WWOX: variants seen among roughly 807,000 people sequenced by gnomAD.
WWOX encodes WW domain containing oxidoreductase, also known as WW domain-containing oxidoreductase.
WWOX carries 69 observed loss-of-function variants against 46.2 expected under a neutral mutation model. The observed-to-expected ratio is 1.49, with a 90% CI of 1.23 to 1.82. The LOEUF is 1.82. Ranked by LOEUF, WWOX falls within the 40% of genes most tolerant of loss-of-function variation. The pLI is 0.00. For missense variants in WWOX, 919 were observed against 542.6 expected (o/e 1.69, Z -6.89); for synonymous variants, 359 against 202.6 (o/e 1.77, Z -6.56).
intron 4 of WWOX, among the ~76,000 whole-genome samples, chr16:78,159,672 G>GTTT (rs35468343): frequency 2.0e-4 from 11 of 55,370 alleles, no homozygotes; most frequent in African/African-American, 4.8e-4. Context: ...AAAATCTGTG[G>GTTT]TTTTTTTTTT....
intron 8 of WWOX, among the ~76,000 whole-genome samples, chr16:78,434,682 C>A (rs1197133231): frequency 6.6e-6 from 1 of 152,092 alleles, no homozygotes; most frequent in Non-Finnish European, 1.5e-5. Context: ...TCAGAGAGTT[C>A]GTTTTCTCCT....
intron 8 of WWOX, among the ~76,000 whole-genome samples, chr16:78,800,221 T>A (rs1387767102): frequency 6.6e-6 from 1 of 151,256 alleles, no homozygotes; most frequent in Non-Finnish European, 1.5e-5. Flanking sequence ...ATTTTAATGA[T>A]TGTGTAAATG....
chr16:78,288,868 C>G (rs2079813544), intron 5 of WWOX, among the ~76,000 whole-genome samples: 1 of 151,960 alleles, frequency 6.6e-6, no homozygotes, highest in African/African-American at 2.4e-5. Flanking sequence ...GAAAAAAATC[C>G]AAACAGGTTC....
chr16:79,107,122 G>A (rs537721017), intron 8 of WWOX, among the ~76,000 whole-genome samples: 1 of 152,052 alleles, frequency 6.6e-6, no homozygotes, highest in Admixed American at 6.6e-5. Flanking sequence ...TTAACTTTTT[G>A]TAGAGGCAGA....
Position 78,935,319 on chromosome 16 carries a change from G to A in WWOX, c.1057-276289G>A, listed in dbSNP as rs145932185. Among the ~76,000 whole-genome samples the A allele has an allele frequency of 7.3e-4, 111 of 152,172 alleles. 2 individuals are homozygous for A. The highest frequency in any genetic ancestry group is 6.4e-3 in the East Asian group (33 of 5,164). Reference sequence around the variant, plus strand: ...CACATGCACATGTATGTTTATTGCGGCACTATTCACAATAGCAAAGACTTG... The same window carrying A: ...CACATGCACATGTATGTTTATTGCGACACTATTCACAATAGCAAAGACTTG... On this transcript the variant is annotated intron_variant, in intron 8 of 8. Transcript: ENST00000566780.
chr16:78,838,405 T>C (rs530364570), intron 8 of WWOX, among the ~76,000 whole-genome samples: 8 of 152,320 alleles, frequency 5.3e-5, no homozygotes, highest in Middle Eastern at 6.8e-3. Flanking sequence ...CATCTTAAAA[T>C]GTTGAGACTT....
Position 78,099,837 on chromosome 16 carries a change from C to G in WWOX, c.59C>G (p.Pro20Arg), listed in dbSNP as rs761638116. The change falls in exon 1 of 9, where the codon CCG becomes CGG. Residue 20 changes from proline to arginine, a missense_variant. By Grantham distance (103) the Pro-to-Arg change is moderately radical (BLOSUM62 -2). Transcript: ENST00000566780. Reference protein sequence around the residue: ...DDTDSEDELPPGWEERTTKDG... With the variant: ...DDTDSEDELPRGWEERTTKDG... ...ACGGACAGTGAGGACGAGCTGCCTC[C>G]GGGCTGGGAGGAGAGAACCACCAAG... 1.3e-6 allele frequency: 2 copies of G among 1,581,882 alleles called. No individual in the cohort carries two copies. The highest frequency in any genetic ancestry group is 1.7e-6 in the Non-Finnish European group (2 of 1,164,998).
At chr16:78,886,783 T>C (rs1196778949) in intron 8 of WWOX, among the ~76,000 whole-genome samples, 1 of 152,096 alleles carries the variant, frequency 6.6e-6, no homozygotes, top group Non-Finnish European at 1.5e-5. Context: ...TATGAAATTC[T>C]GGTTCCACCT....
chr16:78,697,896 A>T (rs1295925148), intron 8 of WWOX, among the ~76,000 whole-genome samples: 3 of 152,138 alleles, frequency 2.0e-5, no homozygotes. Flanking sequence ...GAGAAAACTA[A>T]GAGGTTTAGT....
Position 78,238,126 on chromosome 16 carries a change from C to T in WWOX, c.516+73837C>T, listed in dbSNP as rs377580868. The T allele has an allele frequency of 3.9e-5, 6 of 152,296 alleles. No individual in the cohort carries two copies. The East Asian group carries it at 9.6e-4, about 24-fold the overall frequency. 9.4% of individuals were successfully genotyped at this position (152,296 alleles called of 1,614,324 possible). A position where few individuals can be genotyped will look rare whatever the true frequency, so the allele number is the denominator to read the frequency against. On this transcript the variant is annotated intron_variant, in intron 5 of 8. Transcript: ENST00000566780. The stretch of plus-strand genomic sequence containing the variant: ...GGCTGCCTTCGTCTAGAAAGTGCCT[C>T]GGTTCCAGCTTGGAAATATCCATGT...
intron 8 of WWOX, among the ~76,000 whole-genome samples, chr16:78,717,917 C>T (rs184558869): frequency 3.3e-5 from 5 of 152,192 alleles, no homozygotes; most frequent in Admixed American, 6.5e-5. Context: ...ATAGTGGACC[C>T]AACACCAAGT....
intron 8 of WWOX, among the ~76,000 whole-genome samples, chr16:79,083,006 C>T (rs944705366): frequency 1.3e-5 from 2 of 152,124 alleles, no homozygotes; most frequent in Admixed American, 6.5e-5. Flanking sequence ...GCCTACCTGG[C>T]ACTCCTACCA....
At chr16:78,947,174 A>T (rs2045965574) in intron 8 of WWOX, among the ~76,000 whole-genome samples, 1 of 152,144 alleles carries the variant, frequency 6.6e-6, no homozygotes, top group African/African-American at 2.4e-5. Context: ...AAGTACCCAA[A>T]AGAGAAAACC....
intron 8 of WWOX, chr16:79,101,823 A>T (rs1193591585): frequency 2.0e-5 from 3 of 151,240 alleles, no homozygotes; most frequent in African/African-American, 7.3e-5. Flanking sequence ...TAGGAGGTAC[A>T]TAAGAGAAAC....
At chr16:78,429,999 A>C (rs1597073098) in intron 7 of WWOX, among the ~76,000 whole-genome samples, 2 of 152,188 alleles carry the variant, frequency 1.3e-5, no homozygotes, top group Non-Finnish European at 2.9e-5. Flanking sequence ...TGACTATATT[A>C]GTCTGTTCTC....
intron 8 of WWOX, among the ~76,000 whole-genome samples, chr16:78,468,535 A>G (rs944903789): frequency 1.3e-5 from 2 of 152,112 alleles, no homozygotes; most frequent in Admixed American, 6.5e-5. Context: ...CGGCCCTCTT[A>G]GAAGAGATTT....
chr16:78,759,705 T>C (rs2049743705), intron 8 of WWOX, among the ~76,000 whole-genome samples: 1 of 152,210 alleles, frequency 6.6e-6, no homozygotes, highest in South Asian at 2.1e-4. Context: ...CTCCCTGTTG[T>C]AGTTTCCTAT....
Position 78,345,665 on chromosome 16 carries a change from T to C in WWOX, c.517-41195T>C, listed in dbSNP as rs1241553245. ...AAAAAAAAAAAAAAAAAAAAAAAAGTAAAATAAAGCATGGGAAGTCCCTTA... is the reference window on the plus strand; with the variant it reads ...AAAAAAAAAAAAAAAAAAAAAAAAGCAAAATAAAGCATGGGAAGTCCCTTA... On this transcript the variant is annotated intron_variant, in intron 5 of 8. Coordinates refer to ENST00000566780, the MANE Select transcript of WWOX (RefSeq NM_016373.4). Among the ~76,000 whole-genome samples, 3 of 71,578 alleles carry C rather than the reference T, an allele frequency of 4.2e-5. No individual in the cohort carries two copies. The South Asian group carries it at 1.2e-3, about 30-fold the overall frequency. 47.0% of individuals were successfully genotyped at this position (71,578 alleles called of 152,430 possible). A position where few individuals can be genotyped will look rare whatever the true frequency, so the allele number is the denominator to read the frequency against.
chr16:79,087,761 G>A (rs1277084781), intron 8 of WWOX, among the ~76,000 whole-genome samples: 2 of 152,206 alleles, frequency 1.3e-5, no homozygotes, highest in African/African-American at 4.8e-5. Context: ...CCATTTCTCT[G>A]CTCTTTTAGT....
Sources: gnomAD v4.1 joint callset for allele counts (sites outside exome capture counted in the v4.1 genomes callset) on GRCh38, gnomAD v4.1.1 for gene constraint, MANE v1.5 for transcripts, NCBI Gene and HGNC (gene_info 2026-07-23, HGNC 2026-07-21) for gene names.